MAP2K6: variants seen among roughly 807,000 people sequenced by gnomAD.
MAP2K6 encodes mitogen-activated protein kinase kinase 6, also known as dual specificity mitogen-activated protein kinase kinase 6.
MAP2K6 carries 16 observed loss-of-function variants against 53.7 expected under a neutral mutation model. That is an observed-to-expected ratio of 0.30 (90% CI 0.20 to 0.45). The LOEUF (loss-of-function observed/expected upper bound fraction) is 0.45. MAP2K6 is among the 20% of genes least tolerant of loss of function. The pLI, the probability that MAP2K6 is intolerant of heterozygous loss-of-function variation, is 1.00. For synonymous variants in MAP2K6, 132 were observed against 143.1 expected (o/e 0.92, Z 0.55); for missense variants, 204 against 411.9 (o/e 0.50, Z 4.37).
At chr17:69,535,613 T>G (rs1052720249) in intron 10 of MAP2K6, among the ~76,000 whole-genome samples, 5 of 152,076 alleles carry the variant, frequency 3.3e-5, no homozygotes, top group Non-Finnish European at 7.4e-5. Context: ...AAAATAAATA[T>G]TAGGGGTTTA....
chr17:69,551,039 G>T lies in MAP2K6; in HGVS notation c.*9286G>T, dbSNP rs1318050181. ...CAAGGAATTGTTGTATGACAGCCAT[G>T]CATTATAGATCCTTACATGCGACAT... On this transcript the variant is annotated 3_prime_UTR_variant, in exon 12 of 12. Transcript: ENST00000590474. The T allele has an allele frequency of 6.6e-6, 1 of 152,154 alleles. No individual in the cohort carries two copies. Among genetic ancestry groups the T allele is most frequent in the Non-Finnish European group, 1.5e-5 (1 of 68,028 alleles). The allele number at this position is 152,154 out of a possible 1,614,324, so 9.4% of individuals were successfully genotyped here.
Position 69,414,800 on chromosome 17 carries a change from G to C in MAP2K6, c.-185G>C. The C allele has an allele frequency of 1.7e-6, 1 of 585,118 alleles. No individual in the cohort carries two copies. Among genetic ancestry groups the C allele is most frequent in the Non-Finnish European group, 3.1e-6 (1 of 326,544 alleles). 36.2% of individuals were successfully genotyped at this position (585,118 alleles called of 1,614,324 possible). A position where few individuals can be genotyped will look rare whatever the true frequency, so the allele number is the denominator to read the frequency against. On this transcript the variant is annotated 5_prime_UTR_variant, in exon 1 of 12. Coordinates refer to ENST00000590474, the MANE Select transcript of MAP2K6 (RefSeq NM_002758.4). ...TGGGGGAAAAATCACTTTCCAGTCT[G>C]TTTTGCAAGGTGTGCATTTCCATCT...
chr17:69,508,191 A>G (rs977054501), intron 2 of MAP2K6, among the ~76,000 whole-genome samples: 5 of 150,238 alleles, frequency 3.3e-5, no homozygotes, highest in African/African-American at 1.2e-4. Flanking sequence ...AGCTGGGATT[A>G]TAGGCGCCTG....
At position 69,548,732 on chromosome 17, in the gene MAP2K6, T is replaced by C. The variant is rs1019013907; in HGVS notation, c.*6979T>C. 4 of 152,214 alleles carry C rather than the reference T, an allele frequency of 2.6e-5. No individual in the cohort carries two copies. The highest frequency in any genetic ancestry group is 6.5e-5 in the Admixed American group (1 of 15,276). The allele number at this position is 152,214 out of a possible 1,614,324, so 9.4% of individuals were successfully genotyped here. A position where few individuals can be genotyped will look rare whatever the true frequency, so the allele number is the denominator to read the frequency against. ...TCACTCACTACCTGTTCCTGGTGAC[T>C]ACATAGAAGATGTGTTATTTTTCTG... On this transcript the variant is annotated 3_prime_UTR_variant, in exon 12 of 12. Coordinates refer to ENST00000590474, the MANE Select transcript of MAP2K6 (RefSeq NM_002758.4).
At chr17:69,536,007 T>A in intron 10 of MAP2K6, 108 bp from the exon 11 acceptor site, 1 of 726,414 alleles carries the variant, frequency 1.4e-6, no homozygotes, top group Non-Finnish European at 2.4e-6. Flanking sequence ...GTGTTTTCAA[T>A]ACACTTTTAA....
chr17:69,551,714 C>G lies in MAP2K6; in HGVS notation c.*9961C>G, dbSNP rs1346415307. 6.6e-6 allele frequency: 1 copy of G among 152,096 alleles called. No homozygotes were observed. The highest frequency in any genetic ancestry group is 1.5e-5 in the Non-Finnish European group (1 of 68,018). The allele number at this position is 152,096 out of a possible 1,614,324, so 9.4% of individuals were successfully genotyped here. A position where few individuals can be genotyped will look rare whatever the true frequency, so the allele number is the denominator to read the frequency against. ...TGAGTGGACTGATTTTCTATATGAA[C>G]TGAAATGATGTTTTAATAGAATAAT... On this transcript the variant is annotated 3_prime_UTR_variant, in exon 12 of 12. Transcript: ENST00000590474.
chr17:69,517,714 G>T, intron 4 of MAP2K6, 101 bp downstream of exon 4: 1 of 641,004 alleles, frequency 1.6e-6, no homozygotes. Context: ...ACCATCTTCC[G>T]TAGGGTAAAA....
At chr17:69,456,433 A>T (rs983133511) in intron 1 of MAP2K6, among the ~76,000 whole-genome samples, 1 of 152,240 alleles carries the variant, frequency 6.6e-6, no homozygotes, top group African/African-American at 2.4e-5. Flanking sequence ...TCAGGAAATC[A>T]TTGATTCTAG....
chr17:69,527,962 A>G (rs1330371461), intron 10 of MAP2K6, among the ~76,000 whole-genome samples: 1 of 149,930 alleles, frequency 6.7e-6, no homozygotes. Flanking sequence ...CTAAAAATAC[A>G]AAAAATTAAC....
chr17:69,527,319 CT>C (rs796255210), intron 10 of MAP2K6, among the ~76,000 whole-genome samples: 7 of 152,254 alleles, frequency 4.6e-5, no homozygotes, highest in African/African-American at 1.7e-4. Flanking sequence ...CTACTGAATA[CT>C]TGCTAACTGT....
chr17:69,433,849 T>G (rs552759708), intron 1 of MAP2K6: 86 of 152,264 alleles, frequency 5.6e-4, no homozygotes, highest in African/African-American at 2.0e-3. Context: ...TTCTGTATGG[T>G]TGGGATGTAG....
chr17:69,422,121 GTAAT>G (rs1567812470), intron 1 of MAP2K6, among the ~76,000 whole-genome samples: 1 of 135,824 alleles, frequency 7.4e-6, no homozygotes, highest in East Asian at 2.1e-4. Context: ...AGAAATCATC[GTAAT>G]TTTTTTTTTT....
chr17:69,528,241 A>G (rs1004923039), intron 10 of MAP2K6, among the ~76,000 whole-genome samples: 3 of 151,774 alleles, frequency 2.0e-5, no homozygotes, highest in Admixed American at 1.3e-4. Context: ...GCCCCTTCTC[A>G]TTTCTGGTAC....
chr17:69,533,860 T>C (rs923868697), intron 10 of MAP2K6, among the ~76,000 whole-genome samples: 1 of 152,058 alleles, frequency 6.6e-6, no homozygotes, highest in African/African-American at 2.4e-5. Flanking sequence ...CACTTTTGCT[T>C]CCTGGGGTTG....
chr17:69,500,973 G>A (rs1051679349), intron 1 of MAP2K6, among the ~76,000 whole-genome samples: 12 of 152,036 alleles, frequency 7.9e-5, no homozygotes, highest in Non-Finnish European at 1.5e-4. Context: ...TGCTTCGTTC[G>A]TTGCTTTGCA....
chr17:69,432,232 A>G (rs1007997213), intron 1 of MAP2K6, among the ~76,000 whole-genome samples: 2 of 152,246 alleles, frequency 1.3e-5, no homozygotes, highest in African/African-American at 4.8e-5. Flanking sequence ...ATAAGGTTAC[A>G]TACTATTGAT....
At chr17:69,503,653 T>C (rs184778812) in intron 1 of MAP2K6, among the ~76,000 whole-genome samples, 1 of 152,296 alleles carries the variant, frequency 6.6e-6, no homozygotes, top group Admixed American at 6.5e-5. Context: ...TTGAAAAATT[T>C]CATTATACAT....
intron 1 of MAP2K6, among the ~76,000 whole-genome samples, chr17:69,436,776 A>G (rs903777241): frequency 7.2e-5 from 11 of 152,022 alleles, no homozygotes; most frequent in Non-Finnish European, 1.5e-4. Context: ...AACTTTGCAT[A>G]TAATTTTTTT....
chr17:69,449,972 T>C (rs1372193409), intron 1 of MAP2K6, among the ~76,000 whole-genome samples: 1 of 151,778 alleles, frequency 6.6e-6, no homozygotes, highest in Non-Finnish European at 1.5e-5. Flanking sequence ...TCTCACTCTG[T>C]CACCCAGGCT....
Sources: gnomAD v4.1 joint callset for allele counts (sites outside exome capture counted in the v4.1 genomes callset) on GRCh38, gnomAD v4.1.1 for gene constraint, MANE v1.5 for transcripts, NCBI Gene and HGNC (gene_info 2026-07-23, HGNC 2026-07-21) for gene names.